The following KIAA1958 variants were observed in gnomAD, a reference collection of about 807,000 sequenced individuals.
KIAA1958 encodes KIAA1958.
In KIAA1958, 14 loss-of-function variants were observed where a neutral mutation model predicts 47.2. The ratio of observed to expected loss-of-function variants is 0.30; its 90% CI spans 0.20 to 0.46. The LOEUF is 0.46. Ranked by LOEUF, KIAA1958 falls within the 20% of genes least tolerant of loss-of-function variation. KIAA1958 has a pLI of 1.00. For synonymous variants in KIAA1958, 354 were observed against 353.3 expected, an observed-to-expected ratio of 1.00 and a Z score of -0.02; for missense variants, 803 against 909.2, an observed-to-expected ratio of 0.88 and a Z score of 1.50.
intron 2 of KIAA1958, among the ~76,000 whole-genome samples, chr9:112,612,874 G>C (rs1836349799): frequency 6.6e-6 from 1 of 152,152 alleles, no homozygotes; most frequent in Non-Finnish European, 1.5e-5. Context: ...ATGCCTATCC[G>C]TAGGGAGTTA....
chr9:112,550,006 A>C (rs1211290479), intron 1 of KIAA1958, among the ~76,000 whole-genome samples: 1 of 152,212 alleles, frequency 6.6e-6, no homozygotes, highest in Non-Finnish European at 1.5e-5. Context: ...GCAAAGATCT[A>C]CTAGAGTTGA....
chr9:112,653,825 G>A (rs1326208097), intron 3 of KIAA1958, among the ~76,000 whole-genome samples: 3 of 152,068 alleles, frequency 2.0e-5, no homozygotes, highest in Admixed American at 6.6e-5. Flanking sequence ...GCTTGAACCC[G>A]GGAGGTGGAT....
Position 112,618,458 on chromosome 9 carries a change from C to G in KIAA1958, c.1172-27192C>G. 1 of 1,551,014 alleles carries G rather than the reference C, an allele frequency of 6.4e-7. No homozygotes were observed. Among genetic ancestry groups the G allele is most frequent in the Non-Finnish European group, 8.7e-7 (1 of 1,147,098 alleles). ...TCTCGAGTACTTGGAGTGGATGGGT[C>G]AGGACACTGGAGACTTGAATGCCAA... On this transcript the variant is annotated intron_variant, in intron 2 of 3. Coordinates refer to ENST00000337530, the MANE Select transcript of KIAA1958 (RefSeq NM_133465.4). This position sits in a 1 kb window ranked among gnomAD's most constrained non-coding sequence, Gnocchi z 7.1.
At chr9:112,645,843 C>T in intron 3 of KIAA1958, 21 bp downstream of exon 3, 1 of 1,605,314 alleles carries the variant, frequency 6.2e-7, no homozygotes, top group Non-Finnish European at 8.5e-7. Context: ...CTTGAGTTTA[C>T]TTCTTTCAGC....
chr9:112,647,555 G>A (rs1836997300), intron 3 of KIAA1958, among the ~76,000 whole-genome samples: 1 of 152,022 alleles, frequency 6.6e-6, no homozygotes, highest in Non-Finnish European at 1.5e-5. Flanking sequence ...TAGACACGAA[G>A]GCCTTTAGAT....
intron 1 of KIAA1958, among the ~76,000 whole-genome samples, chr9:112,545,860 G>C (rs1453167057): frequency 1.1e-5 from 1 of 89,316 alleles, no homozygotes; most frequent in Non-Finnish European, 2.1e-5. Flanking sequence ...GAATTTCAAA[G>C]AATAATGGCT....
At chr9:112,586,988 A>G (rs928527057) in intron 2 of KIAA1958, among the ~76,000 whole-genome samples, 1 of 152,168 alleles carries the variant, frequency 6.6e-6, no homozygotes, top group South Asian at 2.1e-4. Flanking sequence ...CCCCACAGGT[A>G]GAGCTGCCTG....
intron 1 of KIAA1958, among the ~76,000 whole-genome samples, chr9:112,499,688 CTT>C (rs917810043): frequency 4.6e-5 from 6 of 130,484 alleles, no homozygotes; most frequent in African/African-American, 5.7e-5. Flanking sequence ...ACATTTTTTT[CTT>C]TTTTTTTTTT....
chr9:112,592,845 G>A (rs919196803), intron 2 of KIAA1958, among the ~76,000 whole-genome samples: 5 of 152,158 alleles, frequency 3.3e-5, no homozygotes, highest in Admixed American at 2.0e-4. Flanking sequence ...ATGGGACAAC[G>A]GAATACCATG....
intron 1 of KIAA1958, among the ~76,000 whole-genome samples, chr9:112,546,572 G>C (rs1489097772): frequency 1.3e-5 from 2 of 151,980 alleles, no homozygotes; most frequent in Admixed American, 1.3e-4. Context: ...TACTCTGTCT[G>C]CTGGCTCTTG....
At chr9:112,570,673 T>C (rs77830517) in intron 1 of KIAA1958, among the ~76,000 whole-genome samples, 1 of 152,226 alleles carries the variant, frequency 6.6e-6, no homozygotes, top group African/African-American at 2.4e-5. Context: ...TACTTGGCTT[T>C]GCCAGTACCA....
intron 2 of KIAA1958, among the ~76,000 whole-genome samples, chr9:112,638,343 A>G (rs1277003987): frequency 6.6e-6 from 1 of 151,942 alleles, no homozygotes; most frequent in Admixed American, 6.6e-5. Context: ...TGTCACTACA[A>G]AAAATGTAAA....
chr9:112,545,127 CCTT>C (rs1026426943), intron 1 of KIAA1958, among the ~76,000 whole-genome samples: 10 of 152,088 alleles, frequency 6.6e-5, no homozygotes, highest in African/African-American at 2.4e-4. Flanking sequence ...ATCATCATGA[CCTT>C]TTAAAGTTTC....
intron 2 of KIAA1958, among the ~76,000 whole-genome samples, chr9:112,645,405 T>A (rs1836958727): frequency 6.6e-6 from 1 of 152,250 alleles, no homozygotes; most frequent in Admixed American, 6.5e-5. Flanking sequence ...GTACATAAGC[T>A]AGTATATATG....
intron 2 of KIAA1958, among the ~76,000 whole-genome samples, chr9:112,593,146 T>A (rs1343851669): frequency 6.6e-6 from 1 of 152,182 alleles, no homozygotes; most frequent in African/African-American, 2.4e-5. Context: ...CCTTTTAAAA[T>A]TAAATTTAAA....
At chr9:112,541,601 C>G (rs141016450) in intron 1 of KIAA1958, among the ~76,000 whole-genome samples, 1 of 151,982 alleles carries the variant, frequency 6.6e-6, no homozygotes, top group Non-Finnish European at 1.5e-5. Flanking sequence ...GTCAGGAGTT[C>G]GAGACCAGCC....
At chr9:112,643,330 A>G (rs576199326) in intron 2 of KIAA1958, among the ~76,000 whole-genome samples, 163 of 152,350 alleles carry the variant, frequency 1.1e-3, no homozygotes, top group Non-Finnish European at 1.9e-3. Flanking sequence ...GGATGAGTGA[A>G]TATGTGAAGT....
chr9:112,578,491 T>C (rs2131178500), intron 2 of KIAA1958, among the ~76,000 whole-genome samples: 1 of 152,278 alleles, frequency 6.6e-6, no homozygotes, highest in African/African-American at 2.4e-5. Context: ...TTAGATAATA[T>C]TTTTAAAATA....
chr9:112,659,019 C>CAAAAAAA (rs560013892), intron 3 of KIAA1958, among the ~76,000 whole-genome samples: 9 of 57,730 alleles, frequency 1.6e-4, no homozygotes, highest in East Asian at 1.2e-3. Context: ...GACTCTGACT[C>CAAAAAAA]AAAAAAAAAA....
Sources: gnomAD v4.1 joint callset for allele counts (sites outside exome capture counted in the v4.1 genomes callset) on GRCh38, gnomAD v4.1.1 for gene constraint, Gnocchi (gnomAD v3.1) non-coding constraint, MANE v1.5 for transcripts, NCBI Gene and HGNC (gene_info 2026-07-23, HGNC 2026-07-21) for gene names.